The following CD163L1 variants were observed in gnomAD, a reference collection of about 807,000 sequenced individuals.
The protein encoded by CD163L1 is CD163 molecule like 1.
A neutral mutation model predicts 165.4 loss-of-function variants in CD163L1; 124 were observed. The ratio of observed to expected loss-of-function variants is 0.75; its 90% CI spans 0.65 to 0.87. The LOEUF is 0.87. Ranked by LOEUF, CD163L1 falls within the 40% of genes least tolerant of loss-of-function variation. The pLI, the probability that CD163L1 is intolerant of heterozygous loss-of-function variation, is 0.00. For synonymous variants in CD163L1, 585 were observed against 662.2 expected, an observed-to-expected ratio of 0.88 and a Z score of 1.79; for missense variants, 1,525 against 1,799.9, an observed-to-expected ratio of 0.85 and a Z score of 2.76.
intron 4 of CD163L1, among the ~76,000 whole-genome samples, chr12:7,422,822 C>G (rs1170818966): frequency 3.3e-5 from 5 of 150,216 alleles, no homozygotes; most frequent in African/African-American, 1.2e-4. Context: ...GCACCAGATT[C>G]ATAAAACCAG....
chr12:7,369,102 A>G lies in CD163L1; in HGVS notation c.4040-137T>C, dbSNP rs959143268. ...CTGTGAATACTGGATGTCATTTAAA[A>G]TATCAGTCAGAATCCTCTTGCTTCA... is the stretch of plus-strand genomic sequence containing the variant. On this transcript the variant is annotated intron_variant, in intron 15 of 19. Coordinates refer to ENST00000313599, the MANE Select transcript of CD163L1 (RefSeq NM_174941.6). This position sits in a 1 kb window ranked among gnomAD's most constrained non-coding sequence, Gnocchi z 4.9. 2 of 1,097,948 alleles carry G rather than the reference A, an allele frequency of 1.8e-6. No homozygotes were observed. The highest frequency in any genetic ancestry group is 2.7e-6 in the Non-Finnish European group (2 of 754,572). The allele number at this position is 1,097,948 out of a possible 1,614,324, so 68.0% of individuals were successfully genotyped here.
Position 7,396,221 on chromosome 12 carries a change from A to T in CD163L1, c.1924T>A (p.Tyr642Asn). ...ACATCATCGAGCCAAATTTTTCCATATCCTGTAGAAGCGTTTCCCAGACCC... is the reference window on the plus strand; with the variant it reads ...ACATCATCGAGCCAAATTTTTCCATTTCCTGTAGAAGCGTTTCCCAGACCC... ...GMGLGNASTG[Y>N]GKIWLDDVSC... is the part of the protein sequence containing the mutation. The change falls in exon 8 of 20, where the codon TAT (tyrosine) becomes AAT (asparagine). Residue 642 changes from tyrosine (Y) to asparagine (N), a missense_variant. Transcript: ENST00000313599. 1.9e-6 allele frequency: 3 copies of T among 1,614,162 alleles called. No homozygotes were observed. The highest frequency in any genetic ancestry group is 2.5e-6 in the Non-Finnish European group (3 of 1,180,026).
chr12:7,432,002 C>T lies in CD163L1; in HGVS notation c.766+414G>A, dbSNP rs374459259. On this transcript the variant is annotated intron_variant, in intron 4 of 19. Transcript: ENST00000313599. The surrounding 1 kb of genome is among the most constrained non-coding windows in gnomAD (Gnocchi z 4.2). ...TAAATTGCCAAAGGAAAGAGGGCAG[C>T]GTGAGATTAGGGACTTAGTCCTGAT... is the stretch of plus-strand genomic sequence containing the variant. Among the ~76,000 whole-genome samples, 6 of 152,066 alleles carry T rather than the reference C, an allele frequency of 3.9e-5. No individual in the cohort carries two copies. The highest frequency in any genetic ancestry group is 2.1e-4 in the South Asian group (1 of 4,808).
chr12:7,342,184 T>C (rs958123946), downstream of CD163L1, among the ~76,000 whole-genome samples: 1 of 152,206 alleles, frequency 6.6e-6, no homozygotes, highest in African/African-American at 2.4e-5. Flanking sequence ...CACTGTGACA[T>C]GTTCATGATG....
chr12:7,420,564 T>C (rs1460861992), intron 4 of CD163L1, among the ~76,000 whole-genome samples: 1 of 151,604 alleles, frequency 6.6e-6, no homozygotes, highest in Non-Finnish European at 1.5e-5. Context: ...AAATAGACAA[T>C]TCTCAAAAGA....
intron 18 of CD163L1, among the ~76,000 whole-genome samples, chr12:7,363,998 C>T (rs926865171): frequency 6.6e-6 from 1 of 152,038 alleles, no homozygotes; most frequent in Non-Finnish European, 1.5e-5. Flanking sequence ...AAGAAGACTC[C>T]AGGCCAATGT....
chr12:7,381,523 G>C (rs1947407497), intron 8 of CD163L1, among the ~76,000 whole-genome samples: 1 of 152,078 alleles, frequency 6.6e-6, no homozygotes, highest in African/African-American at 2.4e-5. Context: ...TCAGTGACAG[G>C]GTTTGTGAAA....
At chr12:7,440,053 T>G in intron 2 of CD163L1, 1 of 1,203,610 alleles carries the variant, frequency 8.3e-7, no homozygotes, top group Non-Finnish European at 1.2e-6. Flanking sequence ...GCTCCTCGCG[T>G]TCCGCGCTCC....
intron 19 of CD163L1, among the ~76,000 whole-genome samples, chr12:7,355,616 C>A (rs1000531014): frequency 2.6e-5 from 4 of 152,072 alleles, no homozygotes; most frequent in African/African-American, 7.2e-5. Flanking sequence ...TGGGTCCCCC[C>A]AAATTCATAT....
In CD163L1 at chr12:7,374,972, GA is replaced by G; in HGVS notation, c.3002-50del. 1 of 1,522,644 alleles carries G rather than the reference GA, an allele frequency of 6.6e-7. No individual in the cohort carries two copies. The highest frequency in any genetic ancestry group is 9.1e-7 in the Non-Finnish European group (1 of 1,097,050). 94.3% of individuals were successfully genotyped at this position (1,522,644 alleles called of 1,614,324 possible). A position where few individuals can be genotyped will look rare whatever the true frequency, so the allele number is the denominator to read the frequency against. The stretch of plus-strand genomic sequence containing the variant: ...GGCAAAAGTAAGACCAAAATACATG[GA>G]AAAGGTTGAAGAGTTCTGTAACAAC... On this transcript the variant is annotated intron_variant, in intron 11 of 19. Transcript: ENST00000313599. The surrounding 1 kb of genome is among the most constrained non-coding windows in gnomAD (Gnocchi z 5.4).
chr12:7,421,178 T>C (rs1948371106), intron 4 of CD163L1, among the ~76,000 whole-genome samples: 1 of 135,696 alleles, frequency 7.4e-6, no homozygotes, highest in Non-Finnish European at 1.5e-5. Flanking sequence ...TATATATGTA[T>C]ATATATGTGT....
At chr12:7,382,087 T>G (rs1323270935) in intron 8 of CD163L1, among the ~76,000 whole-genome samples, 1 of 149,008 alleles carries the variant, frequency 6.7e-6, no homozygotes, top group Non-Finnish European at 1.5e-5. Flanking sequence ...TATACACACA[T>G]AGAGATATAT....
At chr12:7,409,873 C>G (rs1948099269) in intron 4 of CD163L1, among the ~76,000 whole-genome samples, 1 of 151,942 alleles carries the variant, frequency 6.6e-6, no homozygotes, top group Non-Finnish European at 1.5e-5. Flanking sequence ...ATCTTACTCT[C>G]TCAGAAATAA....
chr12:7,433,703 A>C lies in CD163L1; in HGVS notation c.125-9T>G, dbSNP rs770037294. On this transcript the variant is annotated splice_polypyrimidine_tract_variant and intron_variant, in intron 2 of 19. Transcript: ENST00000313599. ...CTCCAAATCTGTTCCATCTGCAAGAAAGACAGAAACATACATTAGAGATGG... is the reference window on the plus strand; with the variant it reads ...CTCCAAATCTGTTCCATCTGCAAGACAGACAGAAACATACATTAGAGATGG... 5.0e-6 allele frequency: 8 copies of C among 1,596,808 alleles called. No homozygotes were observed. In the South Asian group the frequency reaches 5.6e-5, roughly 11 times the overall value.
chr12:7,388,023 T>C (rs1272820135), intron 8 of CD163L1, among the ~76,000 whole-genome samples: 1 of 152,120 alleles, frequency 6.6e-6, no homozygotes, highest in Admixed American at 6.5e-5. Flanking sequence ...GAACATACAT[T>C]GAGAGAAGGA....
At chr12:7,423,359 T>C (rs1948475149) in intron 4 of CD163L1, among the ~76,000 whole-genome samples, 1 of 152,120 alleles carries the variant, frequency 6.6e-6, no homozygotes, top group South Asian at 2.1e-4. Flanking sequence ...TAGCATTAAA[T>C]GCCCACATCA....
intron 5 of CD163L1, among the ~76,000 whole-genome samples, chr12:7,404,389 G>A (rs1327282721): frequency 6.6e-6 from 1 of 151,798 alleles, no homozygotes; most frequent in Non-Finnish European, 1.5e-5. Flanking sequence ...TGTTTTCTAC[G>A]AAGAAGCAAG....
chr12:7,390,044 C>A (rs1192855131), intron 8 of CD163L1, among the ~76,000 whole-genome samples: 2 of 148,862 alleles, frequency 1.3e-5, no homozygotes, highest in African/African-American at 5.0e-5. Context: ...CTATTTGCAG[C>A]AACAGGGATG....
chr12:7,396,856 CAG>C (rs142053662), intron 7 of CD163L1, among the ~76,000 whole-genome samples: 14 of 116,516 alleles, frequency 1.2e-4, no homozygotes, highest in Non-Finnish European at 1.8e-4. Context: ...CACACACACA[CAG>C]AGAGAGAGAG....
Sources: gnomAD v4.1 joint callset for allele counts (sites outside exome capture counted in the v4.1 genomes callset) on GRCh38, gnomAD v4.1.1 for gene constraint, Gnocchi (gnomAD v3.1) non-coding constraint, MANE v1.5 for transcripts, NCBI Gene and HGNC (gene_info 2026-07-23, HGNC 2026-07-21) for gene names.